Variants in DCTN5 observed in about 807,000 individuals in gnomAD.
The protein encoded by DCTN5 is dynactin subunit 5, also known as dynactin 4.
Under a neutral mutation model 23.5 loss-of-function variants are expected in DCTN5, and 14 were observed. That is an observed-to-expected ratio of 0.60 (90% confidence interval 0.39 to 0.93). The LOEUF (loss-of-function observed/expected upper bound fraction) is 0.93, where lower values mean the gene tolerates loss of function less well. Among genes scored for constraint, DCTN5 ranks in the 40% least tolerant of loss-of-function variants. The pLI, the probability that DCTN5 is intolerant of heterozygous loss-of-function variation, is 0.00. For missense variants in DCTN5, 156 were observed against 225.9 expected (o/e 0.69, Z 1.98); for synonymous variants, 67 against 79.6 (o/e 0.84, Z 0.84).
rs1967932219 is a variant in DCTN5 at position 23,667,677 on chromosome 16, G to A, written c.*533G>A. On this transcript the variant is annotated 3_prime_UTR_variant, in exon 6 of 6. Coordinates refer to ENST00000300087, the MANE Select transcript of DCTN5 (RefSeq NM_032486.4). ...ACTTTTCAGAGCCCAGATTCCTGTTGTCTATTAAAACTTGAAGGGAGGGGT... is the reference window on the plus strand; with the variant it reads ...ACTTTTCAGAGCCCAGATTCCTGTTATCTATTAAAACTTGAAGGGAGGGGT... 1.3e-5 allele frequency: 2 copies of A among 155,106 alleles called. No homozygotes were observed. Among genetic ancestry groups the A allele is most frequent in the East Asian group, 1.9e-4 (1 of 5,276 alleles). The allele number at this position is 155,106 out of a possible 1,614,324, so 9.6% of individuals were successfully genotyped here. A position where few individuals can be genotyped will look rare whatever the true frequency, so the allele number is the denominator to read the frequency against.
In DCTN5 at chr16:23,667,299, T is replaced by C. The variant is rs1203966693; in HGVS notation, c.*155T>C. ...TTTAGAATTTCTCAATCTTCAAGGC[T>C]CTAAGTGCTTAAGAATTCACTAACA... On this transcript the variant is annotated 3_prime_UTR_variant, in exon 6 of 6. Transcript: ENST00000300087. 2 of 889,558 alleles carry C rather than the reference T, an allele frequency of 2.2e-6. No individual in the cohort carries two copies. Among genetic ancestry groups the C allele is most frequent in the African/African-American group, 3.4e-5 (2 of 59,454 alleles). The allele number at this position is 889,558 out of a possible 1,614,324, so 55.1% of individuals were successfully genotyped here.
intron 2 of DCTN5, among the ~76,000 whole-genome samples, chr16:23,644,426 G>A (rs1177543063): frequency 1.3e-5 from 2 of 150,208 alleles, no homozygotes; most frequent in Non-Finnish European, 2.9e-5. Flanking sequence ...TCAGCCTCCT[G>A]AGTAGCTAGG....
In DCTN5 at chr16:23,676,209, G is replaced by C. The variant is rs370322210; in HGVS notation, c.*9065G>C. On this transcript the variant is annotated 3_prime_UTR_variant, in exon 6 of 6. Transcript: ENST00000300087. ...GGTCAGGTTGAAAAAAAAAAAAAAG[G>C]TTCAGACAGCAATTAAGGGCTGGGC... 6.6e-6 allele frequency: 1 copy of C among 151,702 alleles called. No individual in the cohort carries two copies. The highest frequency in any genetic ancestry group is 1.5e-5 in the Non-Finnish European group (1 of 67,976). 9.4% of individuals were successfully genotyped at this position (151,702 alleles called of 1,614,324 possible).
chr16:23,675,574 C>A lies in DCTN5; in HGVS notation c.*8430C>A, dbSNP rs1476085173. ...ACATACAACCCTTCCAGAGGAAAGG[C>A]CTAGCTGAGAGTAAGAGATGGTTGA... On this transcript the variant is annotated 3_prime_UTR_variant, in exon 6 of 6. Transcript: ENST00000300087. 6.6e-6 allele frequency: 1 copy of A among 151,832 alleles called. No homozygotes were observed. The highest frequency in any genetic ancestry group is 1.5e-5 in the Non-Finnish European group (1 of 68,022). The allele number at this position is 151,832 out of a possible 1,614,324, so 9.4% of individuals were successfully genotyped here. A position where few individuals can be genotyped will look rare whatever the true frequency, so the allele number is the denominator to read the frequency against.
At chr16:23,658,934 T>C (rs1967761979) in intron 3 of DCTN5, among the ~76,000 whole-genome samples, 1 of 152,208 alleles carries the variant, frequency 6.6e-6, no homozygotes, top group African/African-American at 2.4e-5. Flanking sequence ...GAACCTGGAA[T>C]TGGACAGCTA....
At chr16:23,642,188 C>T (rs1333618850) in intron 1 of DCTN5, among the ~76,000 whole-genome samples, 1 of 152,186 alleles carries the variant, frequency 6.6e-6, no homozygotes, top group Non-Finnish European at 1.5e-5. Context: ...CCGCCTCGGC[C>T]TCCCAAAGTG....
intron 4 of DCTN5, among the ~76,000 whole-genome samples, 172 bp from the exon 5 acceptor site, chr16:23,665,454 C>G (rs778375559): frequency 1.3e-5 from 2 of 152,202 alleles, no homozygotes; most frequent in Non-Finnish European, 1.5e-5. Flanking sequence ...AACACACACT[C>G]TCACAACCTT....
rs974116920 is a variant in DCTN5 at position 23,669,072 on chromosome 16, G to A, written c.*1928G>A. On this transcript the variant is annotated 3_prime_UTR_variant, in exon 6 of 6. Transcript: ENST00000300087. ...CGTGAGTGTGTATCCTAGGAAAGGC[G>A]AGCTGGACTCTGTCTCCATGGTGGC... 2.6e-5 allele frequency: 4 copies of A among 152,636 alleles called. No individual in the cohort carries two copies. Among genetic ancestry groups the A allele is most frequent in the African/African-American group, 7.2e-5 (3 of 41,432 alleles). The allele number at this position is 152,636 out of a possible 1,614,324, so 9.5% of individuals were successfully genotyped here. A position where few individuals can be genotyped will look rare whatever the true frequency, so the allele number is the denominator to read the frequency against.
intron 1 of DCTN5, chr16:23,642,659 T>A (rs974320417): frequency 1.5e-4 from 38 of 247,818 alleles, no homozygotes; most frequent in South Asian, 4.1e-4. Flanking sequence ...ATTAAAAAAT[T>A]TTTTTTTTGT....
chr16:23,655,383 A>T (rs1468855192), intron 2 of DCTN5, among the ~76,000 whole-genome samples: 1 of 151,506 alleles, frequency 6.6e-6, no homozygotes, highest in Non-Finnish European at 1.5e-5. Flanking sequence ...TTACTTATTT[A>T]TTTTTTCTTT....
At chr16:23,665,581 C>CACAGTAGA (rs775520489) in intron 4 of DCTN5, 45 bp from the exon 5 acceptor site, 2 of 1,551,804 alleles carry the variant, frequency 1.3e-6, no homozygotes, top group South Asian at 1.2e-5. Flanking sequence ...GAGCCTTTCA[C>CACAGTAGA]ACAGTAGACT....
chr16:23,652,214 A>G (rs1369753739), intron 2 of DCTN5, among the ~76,000 whole-genome samples: 1 of 152,178 alleles, frequency 6.6e-6, no homozygotes, highest in Non-Finnish European at 1.5e-5. Flanking sequence ...TGTTCAGGCT[A>G]GCGATAAATC....
At chr16:23,662,231 GGGGAA>G (rs1967826672) in intron 4 of DCTN5, among the ~76,000 whole-genome samples, 1 of 152,122 alleles carries the variant, frequency 6.6e-6, no homozygotes. Flanking sequence ...GTTGAAACTG[GGGGAA>G]GACAGGCATT....
intron 1 of DCTN5, chr16:23,642,705 T>G: frequency 2.2e-6 from 1 of 454,394 alleles, no homozygotes; most frequent in South Asian, 2.7e-5. Context: ...TAGGCTGGTC[T>G]TGAGCTCCTG....
chr16:23,644,441 C>T (rs901312186), intron 2 of DCTN5, among the ~76,000 whole-genome samples: 1 of 151,874 alleles, frequency 6.6e-6, no homozygotes, highest in African/African-American at 2.4e-5. Flanking sequence ...GCTAGGACTA[C>T]AGGCACCCAC....
chr16:23,663,103 A>G (rs1036633715), intron 4 of DCTN5, among the ~76,000 whole-genome samples: 3 of 152,210 alleles, frequency 2.0e-5, no homozygotes, highest in African/African-American at 4.8e-5. Context: ...GCTCCTTCCT[A>G]TAACATCCCA....
At chr16:23,642,700 T>C (rs796830210) in intron 1 of DCTN5, 11 of 436,656 alleles carry the variant, frequency 2.5e-5, no homozygotes, top group African/African-American at 2.2e-4. Flanking sequence ...TTGCCTAGGC[T>C]GGTCTTGAGC....
In DCTN5 at chr16:23,671,228, T is replaced by C. The variant is rs1968000703; in HGVS notation, c.*4084T>C. ...AAAATGGGGAAGTTGGATAGGGTAT[T>C]ATGATGATTGAAATGCATTTATACA... On this transcript the variant is annotated 3_prime_UTR_variant, in exon 6 of 6. Coordinates refer to ENST00000300087, the MANE Select transcript of DCTN5 (RefSeq NM_032486.4). 1 of 152,156 alleles carries C rather than the reference T, an allele frequency of 6.6e-6. No homozygotes were observed. The allele number at this position is 152,156 out of a possible 1,614,324, so 9.4% of individuals were successfully genotyped here.
intron 4 of DCTN5, 30 bp from the exon 5 acceptor site, chr16:23,665,596 C>T: frequency 6.3e-7 from 1 of 1,589,536 alleles, no homozygotes; most frequent in African/African-American, 1.3e-5. Flanking sequence ...TAGACTGATC[C>T]ATTTCCTATT....
Sources: gnomAD v4.1 joint callset for allele counts (sites outside exome capture counted in the v4.1 genomes callset) on GRCh38, gnomAD v4.1.1 for gene constraint, MANE v1.5 for transcripts, NCBI Gene and HGNC (gene_info 2026-07-23, HGNC 2026-07-21) for gene names.